STIM2: variants seen among roughly 807,000 people sequenced by gnomAD.
The protein encoded by STIM2 is stromal interaction molecule 2.
In STIM2, 31 loss-of-function variants were observed where a neutral mutation model predicts 85.8. The observed-to-expected ratio is 0.36, with a 90% CI of 0.27 to 0.49. STIM2 has a LOEUF of 0.49. Among genes scored for constraint, STIM2 ranks in the 20% least tolerant of loss-of-function variants. STIM2 has a pLI of 0.98. For missense variants in STIM2, 841 were observed against 927.6 expected, an observed-to-expected ratio of 0.91 and a Z score of 1.21; for synonymous variants, 356 against 331.1, an observed-to-expected ratio of 1.08 and a Z score of -0.82.
intron 3 of STIM2, among the ~76,000 whole-genome samples, chr4:26,973,003 T>C (rs1490198611): frequency 6.6e-6 from 1 of 152,238 alleles, no homozygotes; most frequent in East Asian, 1.9e-4. Flanking sequence ...ATCCATTTCT[T>C]CTAGATTTTC....
intron 8 of STIM2, chr4:27,007,934 C>T: frequency 1.4e-6 from 1 of 721,786 alleles, no homozygotes; most frequent in Non-Finnish European, 2.5e-6. Flanking sequence ...AAACATTATT[C>T]TTTTTTATCA....
Position 26,997,121 on chromosome 4 carries a change from A to G in STIM2, c.509+1631A>G, listed in dbSNP as rs541882198. ...AAACTCTTCCTTAAGCCCCTATTAT[A>G]TAGTAATGGAAATTAGATGAGTCAA... is the stretch of plus-strand genomic sequence containing the variant. On this transcript the variant is annotated intron_variant, in intron 4 of 11. Transcript: ENST00000467087. Among the ~76,000 whole-genome samples the G allele has an allele frequency of 4.5e-4, 69 of 152,294 alleles. 1 individual carries two copies. The highest frequency in any genetic ancestry group is 6.8e-3 in the Middle Eastern group (2 of 294).
At chr4:26,880,539 G>A (rs1722964858) in intron 1 of STIM2, among the ~76,000 whole-genome samples, 1 of 150,252 alleles carries the variant, frequency 6.7e-6, no homozygotes, top group Non-Finnish European at 1.5e-5. Flanking sequence ...GTGTCTCATA[G>A]GTAACTACAT....
intron 2 of STIM2, among the ~76,000 whole-genome samples, chr4:26,937,221 C>A (rs761424927): frequency 7.2e-5 from 11 of 152,128 alleles, no homozygotes; most frequent in Non-Finnish European, 1.3e-4. Context: ...AAAATTATTT[C>A]TAATTTCTGT....
At position 26,885,821 on chromosome 4, in the gene STIM2, T is replaced by TTATA. The variant is rs56851120; in HGVS notation, c.151+24502_151+24505dup. Among the ~76,000 whole-genome samples the TTATA allele has an allele frequency of 6.1e-3, 513 of 84,030 alleles. 5 individuals carry two copies. The highest frequency in any genetic ancestry group is 8.6e-3 in the Non-Finnish European group (321 of 37,226). 55.1% of individuals were successfully genotyped at this position (84,030 alleles called of 152,430 possible). A position where few individuals can be genotyped will look rare whatever the true frequency, so the allele number is the denominator to read the frequency against. On this transcript the variant is annotated intron_variant, in intron 1 of 11. Transcript: ENST00000467087. The stretch of plus-strand genomic sequence containing the variant: ...ATGAAGCCAAATTTAGCACCTCAGG[T>TTATA]TATATATATATATATATATATATAT...
chr4:26,895,831 A>AG (rs1315326636), intron 1 of STIM2, among the ~76,000 whole-genome samples: 2 of 152,212 alleles, frequency 1.3e-5, no homozygotes, highest in Admixed American at 6.5e-5. Context: ...TCTCTTTGTA[A>AG]GGGTGTTTGA....
chr4:27,023,476 A>AC lies in STIM2; in HGVS notation c.*480_*481insC, dbSNP rs1728982543. 6.3e-6 allele frequency: 1 copy of AC among 158,112 alleles called. No individual in the cohort carries two copies. The allele number at this position is 158,112 out of a possible 1,614,324, so 9.8% of individuals were successfully genotyped here. Reference sequence around the variant, plus strand: ...ACTACTGTTTTCCAGACTGGAAAAAAAAAAAATCTCTGCAAGTGAAACTGT... The same window carrying AC: ...ACTACTGTTTTCCAGACTGGAAAAAACAAAAAATCTCTGCAAGTGAAACTGT... On this transcript the variant is annotated 3_prime_UTR_variant, in exon 12 of 12. Coordinates refer to ENST00000467087, the MANE Select transcript of STIM2 (RefSeq NM_020860.4).
intron 3 of STIM2, among the ~76,000 whole-genome samples, chr4:26,962,280 C>T (rs902429833): frequency 1.1e-4 from 16 of 152,040 alleles, no homozygotes; most frequent in African/African-American, 3.6e-4. Flanking sequence ...ACCTGTTAGG[C>T]GCTTAGTAAA....
intron 2 of STIM2, among the ~76,000 whole-genome samples, chr4:26,931,167 C>T (rs1397925863): frequency 1.3e-5 from 2 of 152,146 alleles, no homozygotes; most frequent in Non-Finnish European, 2.9e-5. Flanking sequence ...CTGTTTCACT[C>T]TCTCAGAGTG....
Position 26,954,962 on chromosome 4 carries a change from A to G in STIM2, c.283-2650A>G, listed in dbSNP as rs546286383. Among the ~76,000 whole-genome samples the G allele has an allele frequency of 4.1e-5, 6 of 146,828 alleles. No individual in the cohort carries two copies. The South Asian group carries it at 1.3e-3, about 32-fold the overall frequency. The stretch of plus-strand genomic sequence containing the variant: ...AAATACAATTCATTGTGTTTATTCA[A>G]TTTTCACCCAACTTTATTAGGAATT... On this transcript the variant is annotated intron_variant, in intron 2 of 11. Transcript: ENST00000467087.
At chr4:27,013,109 A>G (rs1310411132) in intron 10 of STIM2, among the ~76,000 whole-genome samples, 2 of 151,948 alleles carry the variant, frequency 1.3e-5, no homozygotes, top group Admixed American at 6.6e-5. Context: ...AGATTTTGGT[A>G]TCAAGATTAT....
At chr4:26,927,908 TTTC>T (rs1725036180) in intron 2 of STIM2, among the ~76,000 whole-genome samples, 1 of 148,348 alleles carries the variant, frequency 6.7e-6, no homozygotes, top group Non-Finnish European at 1.5e-5. Flanking sequence ...TATTAATATA[TTTC>T]TTAGTCTGGT....
In STIM2 at chr4:26,988,966, ACT is replaced by A. The variant is rs577785523; in HGVS notation, c.398-6410_398-6409del. Among the ~76,000 whole-genome samples, 7 of 152,144 alleles carry A rather than the reference ACT, an allele frequency of 4.6e-5. No homozygotes were observed. The South Asian group carries it at 1.5e-3, about 32-fold the overall frequency. On this transcript the variant is annotated intron_variant, in intron 3 of 11. Coordinates refer to ENST00000467087, the MANE Select transcript of STIM2 (RefSeq NM_020860.4). The stretch of plus-strand genomic sequence containing the variant: ...TCTTTGGAGTGGGGGACGGAGTCTC[ACT>A]CTGTCTCCCAGGCTGGGGTACAGTA...
At chr4:27,013,939 T>C (rs946732340) in intron 10 of STIM2, among the ~76,000 whole-genome samples, 1 of 152,030 alleles carries the variant, frequency 6.6e-6, no homozygotes, top group Non-Finnish European at 1.5e-5. Flanking sequence ...ACTTCTTTAA[T>C]GATTAAAAGT....
chr4:26,895,171 C>T (rs1723653511), intron 1 of STIM2, among the ~76,000 whole-genome samples: 1 of 152,202 alleles, frequency 6.6e-6, no homozygotes, highest in African/African-American at 2.4e-5. Flanking sequence ...GAGATTGCGC[C>T]ACTGCACTCC....
intron 1 of STIM2, among the ~76,000 whole-genome samples, chr4:26,908,452 T>C (rs978775928): frequency 1.3e-5 from 2 of 152,176 alleles, no homozygotes; most frequent in African/African-American, 4.8e-5. Flanking sequence ...TTGAATTAGA[T>C]AATCAAGTAA....
intron 1 of STIM2, among the ~76,000 whole-genome samples, chr4:26,864,681 G>C (rs1472260451): frequency 6.6e-6 from 1 of 152,028 alleles, no homozygotes; most frequent in African/African-American, 2.4e-5. Context: ...GATTTGGCAT[G>C]TTATTAGAAA....
chr4:26,999,007 G>C (rs1292444610), intron 4 of STIM2, among the ~76,000 whole-genome samples: 1 of 151,698 alleles, frequency 6.6e-6, no homozygotes, highest in Non-Finnish European at 1.5e-5. Context: ...TTTCAATGTA[G>C]CTACTAAATT....
chr4:27,016,862 C>T (rs75273481), intron 10 of STIM2, among the ~76,000 whole-genome samples: 2,288 of 152,284 alleles, frequency 0.015, 86 homozygotes, highest in East Asian at 0.14. Context: ...AAGATTCAGT[C>T]ATGTCCCTTA....
Sources: gnomAD v4.1 joint callset for allele counts (sites outside exome capture counted in the v4.1 genomes callset) on GRCh38, gnomAD v4.1.1 for gene constraint, MANE v1.5 for transcripts, NCBI Gene and HGNC (gene_info 2026-07-23, HGNC 2026-07-21) for gene names.